Variants in SUGCT observed in about 807,000 individuals in gnomAD.
The protein encoded by SUGCT is succinyl-CoA:glutarate-CoA transferase.
A neutral mutation model predicts 55.0 loss-of-function variants in SUGCT; 41 were observed. That is an observed-to-expected ratio of 0.74 (90% CI 0.58 to 0.97). SUGCT has a LOEUF of 0.97. Among genes scored for constraint, SUGCT ranks in the 50% least tolerant of loss-of-function variants. SUGCT has a pLI of 0.00. For missense variants in SUGCT, 568 were observed against 547.8 expected, an observed-to-expected ratio of 1.04 and a Z score of -0.37; for synonymous variants, 187 against 200.4, an observed-to-expected ratio of 0.93 and a Z score of 0.56.
At chr7:40,370,533 A>G (rs769281011) in intron 9 of SUGCT, among the ~76,000 whole-genome samples, 3 of 150,794 alleles carry the variant, frequency 2.0e-5, no homozygotes, top group Non-Finnish European at 4.4e-5. Flanking sequence ...GATTCTTTTC[A>G]TGATGCTTAG....
chr7:40,264,612 A>G (rs1791438581), intron 7 of SUGCT, among the ~76,000 whole-genome samples: 1 of 152,190 alleles, frequency 6.6e-6, no homozygotes, highest in Non-Finnish European at 1.5e-5. Flanking sequence ...CACTGAAGAC[A>G]GTTTTCCTGC....
At chr7:40,635,527 A>G (rs1197792058) in intron 12 of SUGCT, among the ~76,000 whole-genome samples, 1 of 152,230 alleles carries the variant, frequency 6.6e-6, no homozygotes, top group East Asian at 1.9e-4. Context: ...CAGAAAAAAC[A>G]TTGAATGCTA....
chr7:40,566,186 G>A (rs1407070345), intron 12 of SUGCT, among the ~76,000 whole-genome samples: 2 of 152,076 alleles, frequency 1.3e-5, no homozygotes, highest in Non-Finnish European at 2.9e-5. Context: ...TAAACAGACA[G>A]AATATCATTA....
the SUGCT span, among the ~76,000 whole-genome samples, chr7:40,989,811 C>T: frequency 3.9e-5 from 6 of 152,004 alleles, no homozygotes; most frequent in African/African-American, 1.4e-4. Context: ...ACTCCTCATT[C>T]GCTCAAGTTT....
intron 9 of SUGCT, among the ~76,000 whole-genome samples, chr7:40,349,805 C>T (rs1797519206): frequency 6.6e-6 from 1 of 152,140 alleles, no homozygotes; most frequent in Admixed American, 6.6e-5. Flanking sequence ...CCTGAGTAGC[C>T]AGGACTAAAG....
At chr7:40,552,226 A>G (rs942704214) in intron 12 of SUGCT, among the ~76,000 whole-genome samples, 4 of 152,282 alleles carry the variant, frequency 2.6e-5, no homozygotes, top group African/African-American at 4.8e-5. Flanking sequence ...TATGGAGAGA[A>G]TTCTACTCTG....
intron 9 of SUGCT, among the ~76,000 whole-genome samples, chr7:40,411,257 G>T (rs1382194032): frequency 6.6e-6 from 1 of 152,156 alleles, no homozygotes; most frequent in Admixed American, 6.5e-5. Context: ...GTTGATCATG[G>T]TGGCACATAC....
chr7:40,168,999 G>A (rs575133174), intron 1 of SUGCT, among the ~76,000 whole-genome samples: 1 of 152,056 alleles, frequency 6.6e-6, no homozygotes, highest in African/African-American at 2.4e-5. Flanking sequence ...TTAGGTTTCT[G>A]TACAGCCAAT....
intron 12 of SUGCT, among the ~76,000 whole-genome samples, chr7:40,514,036 C>T (rs1292536542): frequency 1.4e-4 from 21 of 151,984 alleles, no homozygotes; most frequent in African/African-American, 4.1e-4. Context: ...GTGATCCGCC[C>T]GCCTCGGCCT....
chr7:40,814,486 C>G (rs1170510787), intron 13 of SUGCT, among the ~76,000 whole-genome samples: 1 of 151,792 alleles, frequency 6.6e-6, no homozygotes, highest in Admixed American at 6.6e-5. Context: ...TTGGTCCAGT[C>G]TATTGATAAA....
intron 12 of SUGCT, among the ~76,000 whole-genome samples, chr7:40,514,544 A>C (rs1793126056): frequency 6.6e-6 from 1 of 151,976 alleles, no homozygotes; most frequent in Non-Finnish European, 1.5e-5. Context: ...CTCCATGTCT[A>C]TTAAAAAGAC....
chr7:41,017,728 A>C, the SUGCT span, among the ~76,000 whole-genome samples: 1 of 148,510 alleles, frequency 6.7e-6, no homozygotes, highest in East Asian at 2.0e-4. Flanking sequence ...CCGAGATGGC[A>C]CCACTGTGCT....
intron 12 of SUGCT, among the ~76,000 whole-genome samples, chr7:40,561,566 G>A (rs1237915936): frequency 6.6e-6 from 1 of 151,994 alleles, no homozygotes; most frequent in African/African-American, 2.4e-5. Context: ...CAAACACAGT[G>A]GATTCAATAA....
At chr7:40,370,577 AAG>A (rs922437361) in intron 9 of SUGCT, among the ~76,000 whole-genome samples, 1 of 143,116 alleles carries the variant, frequency 7.0e-6, no homozygotes, top group Non-Finnish European at 1.5e-5. Context: ...AGAGAGAGAG[AAG>A]AGAGAGAGAG....
intron 7 of SUGCT, among the ~76,000 whole-genome samples, chr7:40,240,798 C>T (rs1040815443): frequency 6.6e-6 from 1 of 152,232 alleles, no homozygotes; most frequent in African/African-American, 2.4e-5. Flanking sequence ...GAGGCTTCTC[C>T]ACATCACCCT....
At chr7:40,566,146 TTCTTA>T (rs1796137659) in intron 12 of SUGCT, among the ~76,000 whole-genome samples, 1 of 152,104 alleles carries the variant, frequency 6.6e-6, no homozygotes, top group Admixed American at 6.6e-5. Context: ...TAATCTTGAG[TTCTTA>T]TCTTCTCCCC....
At chr7:40,211,062 C>A (rs974654373) in intron 6 of SUGCT, among the ~76,000 whole-genome samples, 1 of 151,110 alleles carries the variant, frequency 6.6e-6, no homozygotes, top group Non-Finnish European at 1.5e-5. Flanking sequence ...CTGTAACCTC[C>A]ACCTCCTGGG....
chr7:40,606,896 G>A (rs1798558839), intron 12 of SUGCT, among the ~76,000 whole-genome samples: 1 of 152,176 alleles, frequency 6.6e-6, no homozygotes, highest in African/African-American at 2.4e-5. Context: ...AAGGGAAAAT[G>A]CAGAAAGTTC....
chr7:40,713,789 G>C (rs1314897769), intron 12 of SUGCT, among the ~76,000 whole-genome samples: 1 of 152,018 alleles, frequency 6.6e-6, no homozygotes, highest in Non-Finnish European at 1.5e-5. Flanking sequence ...TATTCCTTCT[G>C]TTTCTCTCCA....
Sources: gnomAD v4.1 joint callset for allele counts (sites outside exome capture counted in the v4.1 genomes callset) on GRCh38, gnomAD v4.1.1 for gene constraint, MANE v1.5 for transcripts, NCBI Gene and HGNC (gene_info 2026-07-23, HGNC 2026-07-21) for gene names.